The following PXDNL variants were observed in gnomAD, a reference collection of about 807,000 sequenced individuals.
PXDNL encodes peroxidasin like.
Under a neutral mutation model 150.8 loss-of-function variants are expected in PXDNL, and 145 were observed. The ratio of observed to expected loss-of-function variants is 0.96; its 90% confidence interval spans 0.84 to 1.10. The LOEUF (loss-of-function observed/expected upper bound fraction) is 1.10, where lower values mean the gene tolerates loss of function less well. Among genes scored for constraint, PXDNL ranks in the 50% least tolerant of loss-of-function variants. The pLI, the probability that PXDNL is intolerant of heterozygous loss-of-function variation, is 0.00. For synonymous variants in PXDNL, 757 were observed against 725.7 expected (o/e 1.04, Z -0.69); for missense variants, 2,087 against 1,873.9 (o/e 1.11, Z -2.10).
chr8:51,389,181 G>A (rs1036340783), intron 17 of PXDNL, among the ~76,000 whole-genome samples: 2 of 152,164 alleles, frequency 1.3e-5, no homozygotes, highest in Admixed American at 6.6e-5. Flanking sequence ...TATGCACCAG[G>A]TCGTAAAAGA....
At chr8:51,512,913 A>C (rs1811452544) in intron 4 of PXDNL, among the ~76,000 whole-genome samples, 1 of 104,986 alleles carries the variant, frequency 9.5e-6, no homozygotes, top group Non-Finnish European at 1.9e-5. Context: ...GCTCTTGAAT[A>C]AAGCTGCTTT....
chr8:51,797,767 T>C (rs951677610), intron 1 of PXDNL, among the ~76,000 whole-genome samples: 6 of 152,180 alleles, frequency 3.9e-5, no homozygotes, highest in African/African-American at 1.4e-4. Context: ...ATTTGTAGAT[T>C]CAATGCTATT....
intron 3 of PXDNL, among the ~76,000 whole-genome samples, 162 bp from the exon 4 acceptor site, chr8:51,557,073 T>G (rs1363649695): frequency 6.6e-6 from 1 of 152,186 alleles, no homozygotes; most frequent in African/African-American, 2.4e-5. Flanking sequence ...TTAAATGTGT[T>G]CAATTGGTAA....
At chr8:51,352,866 G>A (rs1806394188) in intron 19 of PXDNL, among the ~76,000 whole-genome samples, 1 of 152,088 alleles carries the variant, frequency 6.6e-6, no homozygotes, top group South Asian at 2.1e-4. Context: ...AAAGCAAATA[G>A]CACATATTCT....
chr8:51,452,935 A>AACACACACAC (rs146990384), intron 10 of PXDNL, among the ~76,000 whole-genome samples: 44 of 142,674 alleles, frequency 3.1e-4, no homozygotes, highest in African/African-American at 1.1e-3. Flanking sequence ...CACACACACA[A>AACACACACAC]ACACACACAC....
intron 2 of PXDNL, among the ~76,000 whole-genome samples, chr8:51,608,705 T>A (rs557289650): frequency 6.7e-6 from 1 of 149,260 alleles, no homozygotes; most frequent in Admixed American, 6.7e-5. Context: ...GGCGTGGTGG[T>A]GGGTGCCTGT....
intron 8 of PXDNL, among the ~76,000 whole-genome samples, chr8:51,460,726 C>T (rs1234770545): frequency 6.6e-6 from 1 of 151,960 alleles, no homozygotes; most frequent in South Asian, 2.1e-4. Context: ...GCAAGAGATC[C>T]CACGACCCCC....
intron 19 of PXDNL, among the ~76,000 whole-genome samples, chr8:51,347,669 A>G (rs1269515653): frequency 6.6e-6 from 1 of 151,572 alleles, no homozygotes; most frequent in Non-Finnish European, 1.5e-5. Flanking sequence ...AAATTTCTGG[A>G]GGCCGGGTGC....
intron 1 of PXDNL, among the ~76,000 whole-genome samples, chr8:51,689,321 ATTTT>A (rs10719215): frequency 1.3e-4 from 19 of 146,710 alleles, no homozygotes; most frequent in African/African-American, 4.7e-4. Flanking sequence ...AGACATCCAG[ATTTT>A]TTTTTTTTTT....
intron 1 of PXDNL, among the ~76,000 whole-genome samples, chr8:51,659,731 C>T (rs527705341): frequency 2.6e-5 from 4 of 152,100 alleles, no homozygotes; most frequent in African/African-American, 9.6e-5. Flanking sequence ...ATAGAAAAGC[C>T]CAGGCCTTGT....
Position 51,409,144 on chromosome 8 carries a change from G to T in PXDNL, c.2480C>A (p.Ser827Ter). The T allele has an allele frequency of 6.2e-7, 1 of 1,603,860 alleles. No individual in the cohort carries two copies. The stretch of plus-strand genomic sequence containing the variant: ...GACGGAGCTGCACGGCCGCCCATCC[G>T]AGAAGCGGGCTGTGCTCAGCGCAGG... ...TVPALSTARF[S>*]DGRPCSSVCT... Residue 827 changes from serine to a stop codon, truncating the protein, a stop_gained, in exon 17 of 23, where the codon TCG (serine) becomes TAG (stop). Coordinates refer to ENST00000356297, the MANE Select transcript of PXDNL (RefSeq NM_144651.5). LOFTEE classifies it high-confidence loss of function.
chr8:51,402,794 T>C (rs899568196), intron 17 of PXDNL, among the ~76,000 whole-genome samples: 1 of 151,862 alleles, frequency 6.6e-6, no homozygotes. Flanking sequence ...AGGCGTGGTG[T>C]AATCACGCCT....
rs549695967 is a variant in PXDNL at position 51,628,728 on chromosome 8, T to G, written c.236+25961A>C. Among the ~76,000 whole-genome samples the G allele has an allele frequency of 1.8e-4, 28 of 152,110 alleles. No homozygotes were observed. The East Asian group carries it at 5.2e-3, about 28-fold the overall frequency. ...TCTGTTTTCTTGTTTTTATTTTTCA[T>G]TTTGATTCCTGGCATTAGGGAAATC... On this transcript the variant is annotated intron_variant, in intron 2 of 22. Transcript: ENST00000356297.
At chr8:51,730,575 C>T (rs916295972) in intron 1 of PXDNL, among the ~76,000 whole-genome samples, 3 of 152,042 alleles carry the variant, frequency 2.0e-5, no homozygotes, top group African/African-American at 7.2e-5. Context: ...AATGGCTAAC[C>T]CTCTAATTCT....
intron 19 of PXDNL, 60 bp downstream of exon 19, chr8:51,371,813 C>T: frequency 7.1e-7 from 1 of 1,403,184 alleles, no homozygotes; most frequent in African/African-American, 1.4e-5. Context: ...CCACTGAAAA[C>T]AATTCAAGCA....
At chr8:51,412,842 A>C (rs114152201) in intron 15 of PXDNL, among the ~76,000 whole-genome samples, 3,535 of 152,326 alleles carry the variant, frequency 0.023, 138 homozygotes, top group African/African-American at 0.08. Flanking sequence ...CACACATTGC[A>C]GGAGCACTGC....
intron 2 of PXDNL, among the ~76,000 whole-genome samples, chr8:51,620,916 A>G (rs1814237829): frequency 6.6e-6 from 1 of 152,178 alleles, no homozygotes; most frequent in Non-Finnish European, 1.5e-5. Context: ...GCACTTCCTC[A>G]GGACAATATA....
At chr8:51,343,068 C>A (rs993195495) in intron 20 of PXDNL, among the ~76,000 whole-genome samples, 3 of 152,024 alleles carry the variant, frequency 2.0e-5, no homozygotes, top group African/African-American at 7.3e-5. Flanking sequence ...ACCCAAGACA[C>A]TGTGAATGTT....
chr8:51,584,417 G>C (rs886505250), intron 3 of PXDNL, among the ~76,000 whole-genome samples: 2 of 152,052 alleles, frequency 1.3e-5, no homozygotes, highest in African/African-American at 4.8e-5. Context: ...TTCTTAGAAG[G>C]GCCTGGTATT....
Sources: allele counts gnomAD v4.1 joint callset (sites outside exome capture counted in the v4.1 genomes callset), GRCh38; gene constraint gnomAD v4.1.1; transcripts MANE v1.5; gene names NCBI Gene and HGNC (gene_info 2026-07-23, HGNC 2026-07-21).